Variants in ALPK2 observed in about 807,000 individuals in gnomAD.
ALPK2 encodes the protein alpha-protein kinase 2.
A neutral mutation model predicts 163.1 loss-of-function variants in ALPK2; 127 were observed. The observed-to-expected ratio is 0.78, with a 90% CI of 0.67 to 0.90. ALPK2 has a LOEUF of 0.90. Ranked by LOEUF, ALPK2 falls within the 40% of genes least tolerant of loss-of-function variation. ALPK2 has a pLI of 0.00. For synonymous variants in ALPK2, 953 were observed against 959.1 expected, an observed-to-expected ratio of 0.99 and a Z score of 0.12; for missense variants, 2,360 against 2,589.6, an observed-to-expected ratio of 0.91 and a Z score of 1.92.
chr18:58,575,206 CAAAA>C (rs536358887), intron 4 of ALPK2, among the ~76,000 whole-genome samples: 2 of 124,912 alleles, frequency 1.6e-5, no homozygotes, highest in African/African-American at 6.3e-5. Context: ...AACCTCGTTT[CAAAA>C]AAAAAAAAAG....
intron 4 of ALPK2, among the ~76,000 whole-genome samples, chr18:58,568,220 T>C (rs1266704242): frequency 6.6e-6 from 1 of 152,222 alleles, no homozygotes; most frequent in Non-Finnish European, 1.5e-5. Flanking sequence ...GGGATGCATA[T>C]ATGGCACTAG....
At chr18:58,615,950 G>A (rs1276630911) in intron 1 of ALPK2, among the ~76,000 whole-genome samples, 1 of 152,238 alleles carries the variant, frequency 6.6e-6, no homozygotes, top group Non-Finnish European at 1.5e-5. Flanking sequence ...ACAGAGCACT[G>A]ACTGTACTCT....
intron 12 of ALPK2, among the ~76,000 whole-genome samples, chr18:58,489,911 TCTCTACTAAA>T (rs2051363942): frequency 6.6e-6 from 1 of 151,044 alleles, no homozygotes; most frequent in Non-Finnish European, 1.5e-5. Context: ...CCTGGCCCCG[TCTCTACTAAA>T]AATACAAAAA....
At chr18:58,607,925 G>T (rs2052107144) in intron 2 of ALPK2, among the ~76,000 whole-genome samples, 1 of 152,154 alleles carries the variant, frequency 6.6e-6, no homozygotes, top group Admixed American at 6.5e-5. Context: ...TAGGAGAAAA[G>T]ATAATCCTAT....
chr18:58,523,997 T>TA lies in ALPK2; in HGVS notation c.5566dup (p.Tyr1856LeufsTer15). 6.2e-7 allele frequency: 1 copy of TA among 1,614,186 alleles called. No individual in the cohort carries two copies. The highest frequency in any genetic ancestry group is 1.7e-5 in the Admixed American group (1 of 60,026). ...GTAGCTGTTCTTGATGCAGCAGTAA[T>TA]AGAGTCCCTGGTCCTTCGGACTGGC... On this transcript the variant is annotated frameshift_variant, in exon 7 of 13. Transcript: ENST00000361673.
At position 58,535,403 on chromosome 18, in the gene ALPK2, C is replaced by T. The variant is rs138737333; in HGVS notation, c.4784G>A (p.Arg1595His). ...AGGAGAAGAGGGCAAAGGTTTCCCA[C>T]GCTCATTCTCAATAGTTCCCCTTTT... is the stretch of plus-strand genomic sequence containing the variant. ...SQKRGTIENE[R>H]GKPLPSSPDL... The change falls in exon 5 of 13, where the codon CGT becomes CAT. Residue 1595 changes from arginine (R) to histidine (H), a missense_variant. Arg to His is a conservative substitution (Grantham distance 29). Coordinates refer to ENST00000361673, the MANE Select transcript of ALPK2 (RefSeq NM_052947.4). 5.2e-5 allele frequency: 84 copies of T among 1,614,192 alleles called. No individual in the cohort carries two copies. Among genetic ancestry groups the T allele is most frequent in the Admixed American group, 8.3e-5 (5 of 60,028 alleles).
chr18:58,529,115 T>G lies in ALPK2; in HGVS notation c.5477A>C (p.Lys1826Thr). The part of the protein sequence containing the change: ...DSTICWTKDS[K>T]SIAQVQRSAG... ...CCTTCTCTGCACTTGGGCTATGGACTTTGAATCTTTTGTCCAGCAGATAGT... is the reference window on the plus strand; with the variant it reads ...CCTTCTCTGCACTTGGGCTATGGACGTTGAATCTTTTGTCCAGCAGATAGT... Residue 1826 changes from lysine to threonine, a missense_variant, in exon 6 of 13, where the codon AAG (lysine) becomes ACG (threonine). By Grantham distance (78) the Lys-to-Thr change is moderately conservative (BLOSUM62 -1). Transcript: ENST00000361673. 1.2e-6 allele frequency: 2 copies of G among 1,614,148 alleles called. No homozygotes were observed. The highest frequency in any genetic ancestry group is 1.7e-6 in the Non-Finnish European group (2 of 1,179,994).
intron 4 of ALPK2, among the ~76,000 whole-genome samples, chr18:58,541,397 G>A (rs917999376): frequency 5.9e-5 from 9 of 152,148 alleles, no homozygotes; most frequent in Non-Finnish European, 1.2e-4. Flanking sequence ...GGAACCACCC[G>A]CATCATCCAA....
chr18:58,542,209 T>C (rs2051693479), intron 4 of ALPK2, among the ~76,000 whole-genome samples: 1 of 152,244 alleles, frequency 6.6e-6, no homozygotes, highest in African/African-American at 2.4e-5. Flanking sequence ...GTAACCTCTT[T>C]AGCTTCTCTG....
intron 4 of ALPK2, among the ~76,000 whole-genome samples, chr18:58,562,865 C>A (rs1251626737): frequency 6.6e-6 from 1 of 152,194 alleles, no homozygotes; most frequent in Non-Finnish European, 1.5e-5. Context: ...AGGAAGCAAG[C>A]TCTCTGGTGT....
chr18:58,490,792 A>C (rs1568064487), intron 12 of ALPK2, among the ~76,000 whole-genome samples: 2 of 152,088 alleles, frequency 1.3e-5, no homozygotes, highest in African/African-American at 4.8e-5. Context: ...TTTTGATGGC[A>C]CCCTCAACCA....
intron 3 of ALPK2, among the ~76,000 whole-genome samples, chr18:58,602,120 AT>A (rs1296446037): frequency 1.3e-5 from 2 of 152,270 alleles, no homozygotes; most frequent in Non-Finnish European, 2.9e-5. Flanking sequence ...TCAATCGTGA[AT>A]TTGGGGCAGA....
At chr18:58,573,269 T>TATGTATATATGTGTATAC (rs1242632707) in intron 4 of ALPK2, among the ~76,000 whole-genome samples, 19 of 148,050 alleles carry the variant, frequency 1.3e-4, no homozygotes, top group African/African-American at 3.7e-4. Flanking sequence ...TATGTGTATA[T>TATGTATATATGTGTATAC]ATATGTATAT....
chr18:58,522,428 A>G (rs1352608404), intron 8 of ALPK2, among the ~76,000 whole-genome samples: 2 of 152,194 alleles, frequency 1.3e-5, no homozygotes, highest in Non-Finnish European at 2.9e-5. Flanking sequence ...AATTCTCCTT[A>G]AGAGGGAAGA....
chr18:58,500,820 T>A (rs1264648429), intron 11 of ALPK2, among the ~76,000 whole-genome samples: 2 of 151,564 alleles, frequency 1.3e-5, no homozygotes, highest in Non-Finnish European at 2.9e-5. Flanking sequence ...TTCAAGGTCT[T>A]GAGTTTTTTG....
rs149246242 is a variant in ALPK2, at chr18:58,481,838, G to T, written c.6498C>A (p.Gly2166=). 18 of 1,613,958 alleles carry T rather than the reference G, an allele frequency of 1.1e-5. No individual in the cohort carries two copies. The African/African-American group carries it at 2.3e-4, about 20-fold the overall frequency. The change falls in exon 13 of 13, where the codon GGC becomes GGA. Residue 2166 remains glycine (G), a synonymous_variant. Transcript: ENST00000361673. The part of the protein sequence containing the change: ...TIKKAGPETP[G]EKKT ...CCCAGGGACGTTAGGTTTTCTTTTC[G>T]CCTGGGGTCTCAGGCCCTGCCTTCT...
intron 6 of ALPK2, 92 bp downstream of exon 6, chr18:58,528,999 G>T: frequency 6.6e-7 from 1 of 1,509,870 alleles, no homozygotes; most frequent in Non-Finnish European, 9.1e-7. Context: ...TCCTTTTCAC[G>T]TCCTATAATT....
At chr18:58,494,653 C>G (rs35176031) in intron 12 of ALPK2, among the ~76,000 whole-genome samples, 41,953 of 151,964 alleles carry the variant, frequency 0.28, 6,127 homozygotes, top group Non-Finnish European at 0.32. Context: ...ACCAGCCCCC[C>G]CATAGAACTT....
rs190223084 is a variant in ALPK2 at position 58,604,336 on chromosome 18, A to G, written c.227+2986T>C. On this transcript the variant is annotated intron_variant, in intron 3 of 12. Coordinates refer to ENST00000361673, the MANE Select transcript of ALPK2 (RefSeq NM_052947.4). ...AGCTAACTTTTAATCTTTGAAAGGC[A>G]TTTGCACAAAATACCGTTCATTTTC... 7.2e-5 allele frequency among the ~76,000 whole-genome samples: 11 copies of G among 152,336 alleles called. No homozygotes were observed. In the East Asian group the frequency reaches 2.1e-3, roughly 29 times the overall value.
Sources: allele counts gnomAD v4.1 joint callset (sites outside exome capture counted in the v4.1 genomes callset), GRCh38; gene constraint gnomAD v4.1.1; transcripts MANE v1.5; gene names NCBI Gene and HGNC (gene_info 2026-07-23, HGNC 2026-07-21).